UBR2: variants seen among roughly 807,000 people sequenced by gnomAD.
UBR2 encodes the protein ubiquitin protein ligase E3 component n-recognin 2, also known as E3 ubiquitin-protein ligase UBR2.
In UBR2, 92 loss-of-function variants were observed where a neutral mutation model predicts 247.9. The ratio of observed to expected loss-of-function variants is 0.37; its 90% CI spans 0.31 to 0.44. The LOEUF (loss-of-function observed/expected upper bound fraction) is 0.44. Among genes scored for constraint, UBR2 ranks in the 20% least tolerant of loss-of-function variants. The pLI is 1.00. For synonymous variants in UBR2, 672 were observed against 693.5 expected (o/e 0.97, Z 0.49); for missense variants, 1,613 against 2,112.6 (o/e 0.76, Z 4.64).
Position 42,692,076 on chromosome 6 carries a change from G to A in UBR2, c.*903G>A, listed in dbSNP as rs2152001030. ...ACATCCAGTTTCTTGAGCTTTTAAGGTAAGCTTCTTTTGGCTTTTTTTCAG... is the reference window on the plus strand; with the variant it reads ...ACATCCAGTTTCTTGAGCTTTTAAGATAAGCTTCTTTTGGCTTTTTTTCAG... On this transcript the variant is annotated 3_prime_UTR_variant, in exon 47 of 47. Transcript: ENST00000372901. 1 of 152,028 alleles carries A rather than the reference G, an allele frequency of 6.6e-6. No individual in the cohort carries two copies. The highest frequency in any genetic ancestry group is 1.5e-5 in the Non-Finnish European group (1 of 67,980). 9.4% of individuals were successfully genotyped at this position (152,028 alleles called of 1,614,324 possible). A position where few individuals can be genotyped will look rare whatever the true frequency, so the allele number is the denominator to read the frequency against.
chr6:42,683,206 C>A, intron 43 of UBR2, 95 bp downstream of exon 43: 4 of 1,004,864 alleles, frequency 4.0e-6, no homozygotes, highest in South Asian at 1.6e-5. Context: ...ACTTCTCAAG[C>A]CTTTAGTGAT....
rs1582629946 is a variant in UBR2 at position 42,644,463 on chromosome 6, C to T, written c.2221-10C>T. On this transcript the variant is annotated splice_polypyrimidine_tract_variant and intron_variant, in intron 19 of 46. Transcript: ENST00000372901. ...TATCTCTGAACTTTATCTTCCCTCA[C>T]TTGTTATAGGATGTTGTTCAGCAGA... 1.2e-6 allele frequency: 2 copies of T among 1,610,672 alleles called. No homozygotes were observed. Among genetic ancestry groups the T allele is most frequent in the African/African-American group, 2.7e-5 (2 of 74,864 alleles).
chr6:42,693,080 C>T lies in UBR2; in HGVS notation c.*1907C>T, dbSNP rs573948714. 6.6e-6 allele frequency: 1 copy of T among 152,246 alleles called. No individual in the cohort carries two copies. Among genetic ancestry groups the T allele is most frequent in the South Asian group, 2.1e-4 (1 of 4,818 alleles). The allele number at this position is 152,246 out of a possible 1,614,324, so 9.4% of individuals were successfully genotyped here. ...TTTAAAATAATAAGACCAGGTTTCT[C>T]TCTGTACAAGTGGATTATAAACATT... On this transcript the variant is annotated 3_prime_UTR_variant, in exon 47 of 47. Transcript: ENST00000372901.
intron 7 of UBR2, among the ~76,000 whole-genome samples, chr6:42,611,415 T>G (rs1427330014): frequency 6.6e-6 from 1 of 151,132 alleles, no homozygotes; most frequent in Non-Finnish European, 1.5e-5. Context: ...GAGCAGAGAT[T>G]GTGCTACTGC....
chr6:42,606,013 G>T (rs1466241554), intron 6 of UBR2, among the ~76,000 whole-genome samples, 154 bp downstream of exon 6: 2 of 152,122 alleles, frequency 1.3e-5, no homozygotes, highest in Non-Finnish European at 2.9e-5. Flanking sequence ...GGGAGGCCAA[G>T]GCAGGCAGAT....
chr6:42,564,916 T>A (rs1790688557), intron 1 of UBR2, among the ~76,000 whole-genome samples: 2 of 152,070 alleles, frequency 1.3e-5, no homozygotes, highest in South Asian at 4.1e-4. Flanking sequence ...CCCTTCGTTA[T>A]CCGTTTCAGT....
At chr6:42,676,007 G>T in intron 38 of UBR2, 49 bp from the exon 39 acceptor site, 1 of 1,524,950 alleles carries the variant, frequency 6.6e-7, no homozygotes, top group Non-Finnish European at 8.8e-7. Flanking sequence ...AATTTGCTTA[G>T]CTGTGAAAGG....
In UBR2 at chr6:42,689,523, G is replaced by A; in HGVS notation, c.5025-46G>A. On this transcript the variant is annotated intron_variant, in intron 45 of 46. Coordinates refer to ENST00000372901, the MANE Select transcript of UBR2 (RefSeq NM_001363705.2). The surrounding 1 kb of genome is among the most constrained non-coding windows in gnomAD (Gnocchi z 4.0). ...CTATTTGGAACTGAATACAAATGTTGGTTACTAATGTGTAAATGTGTAACG... is the reference window on the plus strand; with the variant it reads ...CTATTTGGAACTGAATACAAATGTTAGTTACTAATGTGTAAATGTGTAACG... The A allele has an allele frequency of 6.6e-7, 1 of 1,516,786 alleles. No individual in the cohort carries two copies. The highest frequency in any genetic ancestry group is 9.2e-7 in the Non-Finnish European group (1 of 1,091,718). The allele number at this position is 1,516,786 out of a possible 1,614,324, so 94.0% of individuals were successfully genotyped here.
At chr6:42,614,314 GTATGTATA>G (rs1313257419) in intron 8 of UBR2, among the ~76,000 whole-genome samples, 59 of 120,782 alleles carry the variant, frequency 4.9e-4, no homozygotes, top group South Asian at 1.1e-3. Context: ...GCGTATATGG[GTATGTATA>G]TATGTGTATA....
rs1482376639 is a variant in UBR2 at position 42,679,760 on chromosome 6, A to T, written c.4646A>T (p.Tyr1549Phe). Residue 1549 changes from tyrosine (Y) to phenylalanine (F), a missense_variant, in exon 42 of 47, where the codon TAT becomes TTT. By Grantham distance (22) the Tyr-to-Phe change is conservative (BLOSUM62 3). This residue lies in a region of UBR2 where 1,524 missense variants were observed against 1,967.3 expected (regional missense o/e 0.77). Coordinates refer to ENST00000372901, the MANE Select transcript of UBR2 (RefSeq NM_001363705.2). ...AGCCATTTTGAACATTTATGTAGCT[A>T]TCTTTCCCTACCAAACAACCTCATT... The part of the protein sequence containing the change: ...GTSHFEHLCS[Y>F]LSLPNNLICL... 6.2e-7 allele frequency: 1 copy of T among 1,613,280 alleles called. No homozygotes were observed. The highest frequency in any genetic ancestry group is 8.5e-7 in the Non-Finnish European group (1 of 1,179,826).
intron 4 of UBR2, among the ~76,000 whole-genome samples, chr6:42,597,773 G>A (rs547547727): frequency 9.9e-5 from 15 of 151,580 alleles, no homozygotes; most frequent in South Asian, 4.2e-4. Flanking sequence ...AAAATTAGCC[G>A]GGCGTGGTGG....
chr6:42,623,450 T>G (rs952508224), intron 11 of UBR2, among the ~76,000 whole-genome samples: 4 of 152,002 alleles, frequency 2.6e-5, no homozygotes, highest in African/African-American at 4.8e-5. Context: ...TTTTTGTTTG[T>G]TTGGTTTTGG....
intron 26 of UBR2, 30 bp from the exon 27 acceptor site, chr6:42,657,993 TG>T (rs1398055478): frequency 1.3e-5 from 20 of 1,522,238 alleles, no homozygotes; most frequent in Non-Finnish European, 1.6e-5. Context: ...TATTAGCTAT[TG>T]TTATTGTGCC....
chr6:42,668,130 C>G (rs890612025), intron 34 of UBR2, among the ~76,000 whole-genome samples: 4 of 152,146 alleles, frequency 2.6e-5, no homozygotes, highest in African/African-American at 9.7e-5. Context: ...TTCCCCTACA[C>G]AGCCTCTGTT....
chr6:42,614,419 C>CATACGTATATATGTAT (rs1562312183), intron 8 of UBR2, among the ~76,000 whole-genome samples: 1 of 29,358 alleles, frequency 3.4e-5, no homozygotes, highest in Non-Finnish European at 7.6e-5. Flanking sequence ...TATGTACGTA[C>CATACGTATATATGTAT]GTACATATAT....
chr6:42,631,881 TATATATATAA>T (rs1405268198), intron 11 of UBR2, among the ~76,000 whole-genome samples: 14 of 121,662 alleles, frequency 1.2e-4, no homozygotes, highest in Admixed American at 7.4e-4. Context: ...TATATATATA[TATATATATAA>T]ATACAGGTTC....
intron 2 of UBR2, among the ~76,000 whole-genome samples, chr6:42,583,728 T>C (rs1792061860): frequency 6.6e-6 from 1 of 152,066 alleles, no homozygotes; most frequent in African/African-American, 2.4e-5. Flanking sequence ...TTCACCATGT[T>C]GGTCAGGCTG....
At chr6:42,583,322 A>G (rs1792031349) in intron 2 of UBR2, among the ~76,000 whole-genome samples, 1 of 152,216 alleles carries the variant, frequency 6.6e-6, no homozygotes, top group East Asian at 1.9e-4. Flanking sequence ...GTCTCGGCTC[A>G]CTGCAACCTC....
chr6:42,611,153 A>T (rs1419711402), intron 7 of UBR2, among the ~76,000 whole-genome samples: 22 of 131,066 alleles, frequency 1.7e-4, no homozygotes, highest in Admixed American at 5.2e-4. Flanking sequence ...GCCATGATTT[A>T]AAAAAAAAAA....
Sources: gnomAD v4.1 joint callset for allele counts (sites outside exome capture counted in the v4.1 genomes callset) on GRCh38, gnomAD v4.1.1 for gene constraint, gnomAD v4.1.1 regional missense constraint, Gnocchi (gnomAD v3.1) non-coding constraint, MANE v1.5 for transcripts, NCBI Gene and HGNC (gene_info 2026-07-23, HGNC 2026-07-21) for gene names.